Variants in RGPD2 observed in about 807,000 individuals in gnomAD.
RGPD2 encodes RANBP2-like and GRIP domain-containing protein 2.
A neutral mutation model predicts 36.0 loss-of-function variants in RGPD2; 2 were observed. The observed-to-expected ratio is 0.06, with a 90% CI of 0.02 to 0.17. RGPD2 has a LOEUF of 0.17. Ranked by LOEUF, RGPD2 falls within the 10% of genes least tolerant of loss-of-function variation. The probability of loss-of-function intolerance (pLI) is 1.00; values close to 1 mark genes in which losing one functional copy is unlikely to be tolerated. For synonymous variants in RGPD2, 19 were observed against 163.8 expected (o/e 0.12, Z 6.75); for missense variants, 40 against 464.3 (o/e 0.09, Z 8.40).
the RGPD2 span, among the ~76,000 whole-genome samples, chr2:87,937,115 G>C: frequency 6.6e-6 from 1 of 151,838 alleles, no homozygotes; most frequent in Admixed American, 6.6e-5. Flanking sequence ...CTAAACTAGA[G>C]ATGAGCGGTA....
At chr2:87,978,685 G>A in the RGPD2 span, among the ~76,000 whole-genome samples, 4 of 88,200 alleles carry the variant, frequency 4.5e-5, no homozygotes, top group African/African-American at 1.5e-4. Context: ...ATAGGGGCAG[G>A]AGGACTGCTT....
the RGPD2 span, among the ~76,000 whole-genome samples, chr2:87,919,178 G>A: frequency 7.2e-5 from 11 of 152,106 alleles, no homozygotes; most frequent in African/African-American, 1.7e-4. Flanking sequence ...AAGCACTGCC[G>A]AGGAGTGGGT....
the RGPD2 span, among the ~76,000 whole-genome samples, chr2:87,845,845 A>G: frequency 1.3e-5 from 2 of 152,154 alleles, no homozygotes; most frequent in South Asian, 4.1e-4. Context: ...AGATAATTTT[A>G]TTTTGCATAG....
the RGPD2 span, among the ~76,000 whole-genome samples, chr2:87,951,761 C>T: frequency 7.4e-6 from 1 of 135,396 alleles, no homozygotes; most frequent in African/African-American, 2.7e-5. Flanking sequence ...ACTTTTGTAT[C>T]TTTAGTAGAG....
the RGPD2 span, among the ~76,000 whole-genome samples, chr2:87,922,029 C>T: frequency 1.3e-5 from 2 of 151,386 alleles, no homozygotes; most frequent in Non-Finnish European, 2.9e-5. Context: ...CACGGTGGCT[C>T]ACGCCTGTAA....
the RGPD2 span, among the ~76,000 whole-genome samples, chr2:87,916,095 A>T: frequency 1.3e-5 from 2 of 152,026 alleles, no homozygotes; most frequent in Non-Finnish European, 2.9e-5. Flanking sequence ...TGTCTAAAAA[A>T]CTGTCTCAGT....
chr2:87,853,418 C>A, the RGPD2 span, among the ~76,000 whole-genome samples: 5,229 of 148,248 alleles, frequency 0.035, no homozygotes, highest in Non-Finnish European at 0.057. Context: ...GAGACAGGAT[C>A]TTGCGATGTT....
At chr2:87,807,380 GTTT>G (rs992462711) in intron 6 of RGPD2, among the ~76,000 whole-genome samples, 3 of 81,952 alleles carry the variant, frequency 3.7e-5, no homozygotes, top group African/African-American at 1.3e-4. Context: ...GCGTTAAATT[GTTT>G]TTTTTTTTTT....
the RGPD2 span, among the ~76,000 whole-genome samples, chr2:87,977,723 T>C: frequency 6.6e-6 from 1 of 152,162 alleles, no homozygotes; most frequent in South Asian, 2.1e-4. Context: ...CAGTAATATT[T>C]TAATTTGTAT....
chr2:87,824,755 G>A (rs1686572031), intron 1 of RGPD2, among the ~76,000 whole-genome samples: 1 of 123,870 alleles, frequency 8.1e-6, no homozygotes. Flanking sequence ...CGCCGCCGCC[G>A]CCGCCGCCGC....
At chr2:87,984,762 C>G in the RGPD2 span, among the ~76,000 whole-genome samples, 1 of 150,188 alleles carries the variant, frequency 6.7e-6, no homozygotes, top group Non-Finnish European at 1.5e-5. Flanking sequence ...AACCCCATCT[C>G]TACTAAAAAT....
the RGPD2 span, among the ~76,000 whole-genome samples, chr2:87,846,562 T>TGAATTAAA: frequency 6.6e-6 from 1 of 152,260 alleles, no homozygotes; most frequent in Non-Finnish European, 1.5e-5. Flanking sequence ...AACAATTTTT[T>TGAATTAAA]GAATTAAATA....
the RGPD2 span, among the ~76,000 whole-genome samples, chr2:87,863,654 T>G: frequency 6.6e-6 from 1 of 152,146 alleles, no homozygotes; most frequent in Admixed American, 6.5e-5. Flanking sequence ...AGTATTCCCT[T>G]CTTATTTTGT....
At chr2:87,905,567 T>C in the RGPD2 span, among the ~76,000 whole-genome samples, 1 of 151,566 alleles carries the variant, frequency 6.6e-6, no homozygotes, top group South Asian at 2.1e-4. Flanking sequence ...CAATCATTTT[T>C]AGTAAATTTA....
chr2:87,849,381 A>G, the RGPD2 span, among the ~76,000 whole-genome samples: 1 of 152,264 alleles, frequency 6.6e-6, no homozygotes, highest in East Asian at 1.9e-4. Context: ...TTTACAGATG[A>G]CATAGCATAC....
At chr2:87,830,347 C>A (rs1672455365), upstream of RGPD2, among the ~76,000 whole-genome samples, 1 of 152,238 alleles carries the variant, frequency 6.6e-6, no homozygotes, top group African/African-American at 2.4e-5. Flanking sequence ...AGATTCCCAG[C>A]AAGATCACCA....
the RGPD2 span, among the ~76,000 whole-genome samples, chr2:87,972,097 C>G: frequency 7.2e-5 from 11 of 152,026 alleles, no homozygotes; most frequent in African/African-American, 2.7e-4. Context: ...TACTAACATG[C>G]AATGAAAAGA....
chr2:87,913,335 C>T, the RGPD2 span, among the ~76,000 whole-genome samples: 2 of 151,360 alleles, frequency 1.3e-5, no homozygotes, highest in South Asian at 2.1e-4. Flanking sequence ...TAGGTGGGAA[C>T]TGAACAATGA....
At chr2:87,939,917 C>A in the RGPD2 span, among the ~76,000 whole-genome samples, 2,078 of 152,090 alleles carry the variant, frequency 0.014, 18 homozygotes, top group African/African-American at 0.047. Context: ...CTGAAAAGCC[C>A]ACCTACTTAA....
Sources: allele counts gnomAD v4.1 joint callset (sites outside exome capture counted in the v4.1 genomes callset), GRCh38; gene constraint gnomAD v4.1.1; transcripts MANE v1.5; gene names NCBI Gene and HGNC (gene_info 2026-07-23, HGNC 2026-07-21).